PGD: variants seen among roughly 807,000 people sequenced by gnomAD.
PGD encodes the protein 6-phosphogluconate dehydrogenase, decarboxylating.
In PGD, 21 loss-of-function variants were observed where a neutral mutation model predicts 60.4. The ratio of observed to expected loss-of-function variants is 0.35; its 90% CI spans 0.25 to 0.50. PGD has a LOEUF of 0.50. PGD is among the 20% of genes least tolerant of loss of function. The pLI, the probability that PGD is intolerant of heterozygous loss-of-function variation, is 0.98. For synonymous variants in PGD, 230 were observed against 235.9 expected (o/e 0.97, Z 0.23); for missense variants, 477 against 613.1 (o/e 0.78, Z 2.34).
rs943649623 is a variant in PGD, at chr1:10,399,636, A to C, written c.16A>C (p.Ile6Leu). 1 of 1,613,740 alleles carries C rather than the reference A, an allele frequency of 6.2e-7. No individual in the cohort carries two copies. The highest frequency in any genetic ancestry group is 8.5e-7 in the Non-Finnish European group (1 of 1,179,948). The stretch of plus-strand genomic sequence containing the variant: ...CTGTTTCTGCCTCTCTAGAGCTGAC[A>C]TCGCGCTGATCGGATTGGCCGTCAT... MAQAD[I>L]ALIGLAVMGQ... is the part of the protein sequence containing the mutation. Residue 6 changes from isoleucine to leucine, a missense_variant, in exon 2 of 13, where the codon ATC becomes CTC. By Grantham distance (5) the Ile-to-Leu change is conservative. Around this residue, in one of 3 missense-constraint regions of PGD, gnomAD observed 431 missense variants for 556.6 expected, o/e 0.77. Coordinates refer to ENST00000270776, the MANE Select transcript of PGD (RefSeq NM_002631.4).
intron 1 of PGD, 131 bp from the exon 2 acceptor site, chr1:10,399,497 TG>T: frequency 2.4e-6 from 2 of 831,462 alleles, no homozygotes; most frequent in Non-Finnish European, 3.8e-6. Context: ...GCCCGGCTTC[TG>T]GGGGCCCGCG....
chr1:10,407,179 G>T (rs1355737143), intron 5 of PGD, among the ~76,000 whole-genome samples: 3 of 152,202 alleles, frequency 2.0e-5, no homozygotes, highest in Non-Finnish European at 4.4e-5. Context: ...CAGGCATGGT[G>T]GCTCACGCCT....
chr1:10,406,388 G>GAA (rs1213355015), intron 5 of PGD, among the ~76,000 whole-genome samples: 2 of 134,172 alleles, frequency 1.5e-5, no homozygotes, highest in African/African-American at 2.7e-5. Context: ...TGTTTCTTAA[G>GAA]AAAAAAAAAA....
chr1:10,406,479 A>G (rs1639407511), intron 5 of PGD, among the ~76,000 whole-genome samples: 1 of 152,222 alleles, frequency 6.6e-6, no homozygotes, highest in Non-Finnish European at 1.5e-5. Flanking sequence ...ACGTAAAAGT[A>G]TTTGACATAT....
At chr1:10,408,553 A>G (rs576782295) in intron 6 of PGD, among the ~76,000 whole-genome samples, 1 of 152,310 alleles carries the variant, frequency 6.6e-6, no homozygotes, top group East Asian at 1.9e-4. Context: ...ATGAACGTGG[A>G]AAATTCCCCA....
At chr1:10,419,383 A>T in intron 11 of PGD, 34 bp from the exon 12 acceptor site, 1 of 1,601,424 alleles carries the variant, frequency 6.2e-7, no homozygotes, top group Non-Finnish European at 8.5e-7. Flanking sequence ...CCAGGGGCAG[A>T]TCACTAATCT....
intron 10 of PGD, 38 bp downstream of exon 10, chr1:10,417,547 T>TCA (rs1471333275): frequency 1.3e-6 from 2 of 1,579,046 alleles, no homozygotes; most frequent in South Asian, 2.3e-5. Context: ...CGGGAAGGAC[T>TCA]CACACGGCTG....
rs199571252 is a variant in PGD at position 10,419,400 on chromosome 1, G to A, written c.1210-17G>A. 2.8e-5 allele frequency: 45 copies of A among 1,608,482 alleles called. No individual in the cohort carries two copies. In the East Asian group the frequency reaches 3.6e-4, roughly 13 times the overall value. ...AGGGGCAGATCACTAATCTCTGGCC[G>A]TGCGTTTTGTGCTCAGGACTCCTGG... On this transcript the variant is annotated splice_polypyrimidine_tract_variant and intron_variant, in intron 11 of 12. Transcript: ENST00000270776.
intron 8 of PGD, among the ~76,000 whole-genome samples, chr1:10,414,173 T>C (rs1263727156): frequency 6.6e-6 from 1 of 152,184 alleles, no homozygotes; most frequent in Non-Finnish European, 1.5e-5. Context: ...GTCCTCGTTG[T>C]TTTGCTAAGT....
At chr1:10,401,128 C>G (rs761088191) in intron 3 of PGD, among the ~76,000 whole-genome samples, 1 of 152,086 alleles carries the variant, frequency 6.6e-6, no homozygotes, top group Non-Finnish European at 1.5e-5. Flanking sequence ...TCACTTGAAC[C>G]TGGGAGGTGG....
intron 6 of PGD, 130 bp downstream of exon 6, chr1:10,408,270 G>A (rs910333532): frequency 1.5e-6 from 1 of 683,104 alleles, no homozygotes; most frequent in Non-Finnish European, 2.7e-6. Flanking sequence ...ATCTTTGATT[G>A]CTAGAATAGC....
Position 10,399,075 on chromosome 1 carries a change from C to A in PGD, c.-43C>A. On this transcript the variant is annotated 5_prime_UTR_variant, in exon 1 of 13. Transcript: ENST00000270776. ...CGCTGCGGGTCTTTCCCTCACTCGT[C>A]CTCCGCGCGTCGCCGCTCTTCGGTT... 6.2e-7 allele frequency: 1 copy of A among 1,608,726 alleles called. No individual in the cohort carries two copies. Among genetic ancestry groups the A allele is most frequent in the Non-Finnish European group, 8.5e-7 (1 of 1,179,490 alleles).
Position 10,399,101 on chromosome 1 carries a change from C to A in PGD, c.-17C>A. 6.2e-7 allele frequency: 1 copy of A among 1,609,814 alleles called. No individual in the cohort carries two copies. ...CTCCGCGCGTCGCCGCTCTTCGGTT[C>A]TGCTCTGTCCGCCGCCATGGCCCAG... On this transcript the variant is annotated 5_prime_UTR_variant, in exon 1 of 13. It adds an upstream start codon to the 5' untranslated region. Transcript: ENST00000270776.
chr1:10,413,252 G>A lies in PGD; in HGVS notation c.844+1G>A. The A allele has an allele frequency of 6.2e-7, 1 of 1,613,186 alleles. No homozygotes were observed. Among genetic ancestry groups the A allele is most frequent in the Non-Finnish European group, 8.5e-7 (1 of 1,179,240 alleles). Reference sequence around the variant, plus strand: ...TACGGCGTACCCGTCACCCTCATTGGTAATGTTATGCTTTTCACATGGGCC... The same window carrying A: ...TACGGCGTACCCGTCACCCTCATTGATAATGTTATGCTTTTCACATGGGCC... On this transcript the variant is annotated splice_donor_variant, in intron 8 of 12. Coordinates refer to ENST00000270776, the MANE Select transcript of PGD (RefSeq NM_002631.4). LOFTEE classifies it high-confidence loss of function.
chr1:10,420,112 T>C lies in PGD; in HGVS notation c.*363T>C. The C allele has an allele frequency of 5.2e-6, 1 of 192,892 alleles. No homozygotes were observed. The highest frequency in any genetic ancestry group is 1.1e-5 in the Non-Finnish European group (1 of 92,062). 11.9% of individuals were successfully genotyped at this position (192,892 alleles called of 1,614,324 possible). A position where few individuals can be genotyped will look rare whatever the true frequency, so the allele number is the denominator to read the frequency against. ...TGTATCATGCGGCTGAATTCCCTTT[T>C]TCCTTTACTCAATAAAAGCTACATC... is the stretch of plus-strand genomic sequence containing the variant. On this transcript the variant is annotated 3_prime_UTR_variant, in exon 13 of 13. Coordinates refer to ENST00000270776, the MANE Select transcript of PGD (RefSeq NM_002631.4).
At chr1:10,403,025 G>T in intron 3 of PGD, 46 bp from the exon 4 acceptor site, 2 of 1,175,674 alleles carry the variant, frequency 1.7e-6, no homozygotes, top group East Asian at 4.7e-5. Context: ...ATTTGCCAAG[G>T]TATGTTTCAT....
intron 5 of PGD, among the ~76,000 whole-genome samples, chr1:10,407,806 T>TCC (rs1639432182): frequency 6.6e-6 from 1 of 151,742 alleles, no homozygotes; most frequent in Admixed American, 6.6e-5. Flanking sequence ...ATGAGCTGGG[T>TCC]GTGGTGTCAC....
At chr1:10,413,891 C>CT (rs112801016) in intron 8 of PGD, among the ~76,000 whole-genome samples, 5,485 of 148,292 alleles carry the variant, frequency 0.037, 352 homozygotes, top group African/African-American at 0.13. Flanking sequence ...GGTGACAGAG[C>CT]GAGACTTCGT....
Position 10,420,370 on chromosome 1 carries a change from A to G in PGD, c.*621A>G, listed in dbSNP as rs1639673504. 7.0e-6 allele frequency among the ~76,000 whole-genome samples: 1 copy of G among 143,618 alleles called. No individual in the cohort carries two copies. The highest frequency in any genetic ancestry group is 7.0e-5 in the Admixed American group (1 of 14,188). 94.2% of individuals were successfully genotyped at this position (143,618 alleles called of 152,430 possible). ...CAATGGGTACATGGACGTTCACTGT[A>G]ACGTGCTTTTTCTTTCGTCTTTTTT... On this transcript the variant is annotated 3_prime_UTR_variant, in exon 13 of 13. Transcript: ENST00000270776.
Sources: gnomAD v4.1 joint callset for allele counts (sites outside exome capture counted in the v4.1 genomes callset) on GRCh38, gnomAD v4.1.1 for gene constraint, gnomAD v4.1.1 regional missense constraint, MANE v1.5 for transcripts, NCBI Gene and HGNC (gene_info 2026-07-23, HGNC 2026-07-21) for gene names.